The following EHMT1 variants were observed in gnomAD, a reference collection of about 807,000 sequenced individuals.
The protein encoded by EHMT1 is euchromatic histone lysine methyltransferase 1, also known as histone-lysine N-methyltransferase EHMT1.
EHMT1 carries 15 observed loss-of-function variants against 147.2 expected under a neutral mutation model. The ratio of observed to expected loss-of-function variants is 0.10; its 90% CI spans 0.07 to 0.16. The LOEUF (loss-of-function observed/expected upper bound fraction) is 0.16, where lower values mean the gene tolerates loss of function less well. EHMT1 is among the 10% of genes least tolerant of loss of function. The pLI, the probability that EHMT1 is intolerant of heterozygous loss-of-function variation, is 1.00. For synonymous variants in EHMT1, 795 were observed against 709.6 expected (o/e 1.12, Z -1.91); for missense variants, 1,587 against 1,772.4 (o/e 0.90, Z 1.88).
rs376967613 is a variant in EHMT1, at chr9:137,726,742, C to T, written c.643-1607C>T. The stretch of plus-strand genomic sequence containing the variant: ...CCTACCAGCAGTGCACAAGGGTTCC[C>T]ATTTCTCCAGTTCTCACAACACGAT... On this transcript the variant is annotated intron_variant, in intron 3 of 26. Transcript: ENST00000460843. 1.3e-4 allele frequency among the ~76,000 whole-genome samples: 20 copies of T among 152,356 alleles called. No homozygotes were observed. In the South Asian group the frequency reaches 4.1e-3, roughly 32 times the overall value.
intron 16 of EHMT1, among the ~76,000 whole-genome samples, chr9:137,795,723 T>A (rs913383746): frequency 6.6e-6 from 1 of 152,032 alleles, no homozygotes; most frequent in Non-Finnish European, 1.5e-5. Flanking sequence ...TACAGGATAA[T>A]AACTACCCAA....
chr9:137,769,385 G>T (rs1433710028), intron 10 of EHMT1, among the ~76,000 whole-genome samples: 1 of 152,072 alleles, frequency 6.6e-6, no homozygotes, highest in Non-Finnish European at 1.5e-5. Context: ...TGTATCTAAA[G>T]ACTTTCCAAT....
intron 1 of EHMT1, among the ~76,000 whole-genome samples, chr9:137,631,695 A>G (rs923307737): frequency 1.3e-5 from 2 of 152,104 alleles, no homozygotes; most frequent in African/African-American, 2.4e-5. Context: ...GGACAACATA[A>G]TGAGACCCTG....
intron 1 of EHMT1, among the ~76,000 whole-genome samples, chr9:137,707,078 G>A (rs1944330790): frequency 6.6e-6 from 1 of 152,212 alleles, no homozygotes. Context: ...ACTCACCTTA[G>A]CCTCCCAAAC....
intron 25 of EHMT1, among the ~76,000 whole-genome samples, chr9:137,821,808 A>G (rs925842906): frequency 6.6e-6 from 1 of 152,132 alleles, no homozygotes; most frequent in Admixed American, 6.5e-5. Flanking sequence ...AACATGGTAT[A>G]TCTCTTCATT....
chr9:137,738,934 C>T (rs1043860868), intron 4 of EHMT1, among the ~76,000 whole-genome samples: 2 of 152,042 alleles, frequency 1.3e-5, no homozygotes, highest in African/African-American at 4.8e-5. Context: ...AACAGAGCTT[C>T]AGTTTGACAA....
intron 1 of EHMT1, among the ~76,000 whole-genome samples, chr9:137,654,717 G>C (rs1469630030): frequency 6.6e-6 from 1 of 152,202 alleles, no homozygotes; most frequent in Non-Finnish European, 1.5e-5. Context: ...CATGCCTGAA[G>C]GCTTGAGTAA....
At chr9:137,810,490 C>A (rs545562841) in intron 18 of EHMT1, among the ~76,000 whole-genome samples, 1 of 152,330 alleles carries the variant, frequency 6.6e-6, no homozygotes, top group East Asian at 1.9e-4. Context: ...TTCTTGGCTG[C>A]CTGGCAGAGT....
chr9:137,619,040 C>T lies in EHMT1; in HGVS notation c.12C>T (p.Ala4=), dbSNP rs931986426. The part of the protein sequence containing the change: MAA[A]DAEAVPARGE... Reference sequence around the variant, plus strand: ...TGCGGGCCCGGGCCATGGCCGCCGCCGATGCCGAGGTGAGCAGCGGGGCCG... The same window carrying T: ...TGCGGGCCCGGGCCATGGCCGCCGCTGATGCCGAGGTGAGCAGCGGGGCCG... Residue 4 remains alanine (A), a synonymous_variant, in exon 1 of 27, where the codon GCC becomes GCT. Transcript: ENST00000460843. 3.1e-6 allele frequency: 3 copies of T among 963,418 alleles called. No individual in the cohort carries two copies. Among genetic ancestry groups the T allele is most frequent in the East Asian group, 1.2e-4 (1 of 8,694 alleles). 59.7% of individuals were successfully genotyped at this position (963,418 alleles called of 1,614,324 possible).
At chr9:137,821,737 T>G (rs1955438461) in intron 25 of EHMT1, among the ~76,000 whole-genome samples, 1 of 152,222 alleles carries the variant, frequency 6.6e-6, no homozygotes, top group Admixed American at 6.5e-5. Context: ...GGGATTGTAT[T>G]AGACCTGTCA....
intron 1 of EHMT1, among the ~76,000 whole-genome samples, chr9:137,672,407 C>G (rs1382172462): frequency 6.6e-6 from 1 of 152,112 alleles, no homozygotes; most frequent in East Asian, 1.9e-4. Context: ...GTAACACTAA[C>G]TCGGTGGCAT....
chr9:137,817,365 G>C, intron 23 of EHMT1, 74 bp from the exon 24 acceptor site: 3 of 1,551,510 alleles, frequency 1.9e-6, no homozygotes, highest in Non-Finnish European at 2.7e-6. Context: ...CGTGGCACCA[G>C]CTGGCTTTTG....
intron 25 of EHMT1, among the ~76,000 whole-genome samples, chr9:137,820,331 G>A (rs778892882): frequency 2.6e-5 from 4 of 152,222 alleles, no homozygotes; most frequent in East Asian, 1.9e-4. Context: ...CCTCTGCTGC[G>A]AACTGCCCAT....
intron 8 of EHMT1, 55 bp from the exon 9 acceptor site, chr9:137,757,825 G>T: frequency 6.2e-7 from 1 of 1,610,446 alleles, no homozygotes; most frequent in Non-Finnish European, 8.5e-7. Flanking sequence ...GTGCGTCTGG[G>T]TGGGTGCGGC....
chr9:137,670,071 G>A (rs1224041802), intron 1 of EHMT1, among the ~76,000 whole-genome samples: 1 of 152,130 alleles, frequency 6.6e-6, no homozygotes, highest in African/African-American at 2.4e-5. Flanking sequence ...TGTTGGCCAG[G>A]CTGGTGTCTA....
chr9:137,767,605 G>T (rs1950298545), intron 10 of EHMT1, among the ~76,000 whole-genome samples: 1 of 152,134 alleles, frequency 6.6e-6, no homozygotes, highest in Non-Finnish European at 1.5e-5. Flanking sequence ...TTGAGGTCAG[G>T]AGTTCAAAAC....
chr9:137,813,053 G>C lies in EHMT1; in HGVS notation c.2915G>C (p.Gly972Ala). 1 of 1,613,970 alleles carries C rather than the reference G, an allele frequency of 6.2e-7. No homozygotes were observed. The highest frequency in any genetic ancestry group is 8.5e-7 in the Non-Finnish European group (1 of 1,180,032). Residue 972 changes from glycine to alanine, a missense_variant, in exon 20 of 27, where the codon GGA becomes GCA. Around this residue, in one of 7 missense-constraint regions of EHMT1, gnomAD observed 201 missense variants for 350.1 expected, o/e 0.57. Transcript: ENST00000460843. The surrounding 1 kb of genome is among the most constrained non-coding windows in gnomAD (Gnocchi z 4.9). The part of the protein sequence containing the change: ...DSDVTLKNKE[G>A]ETPLQCASLN... ...GATGTCACCTTAAAGAACAAGGAAGGAGAGACGCCCCTGCAGTGTGCGAGC... is the reference window on the plus strand; with the variant it reads ...GATGTCACCTTAAAGAACAAGGAAGCAGAGACGCCCCTGCAGTGTGCGAGC...
intron 1 of EHMT1, among the ~76,000 whole-genome samples, chr9:137,678,626 A>G (rs1346898878): frequency 6.6e-6 from 1 of 152,046 alleles, no homozygotes; most frequent in Non-Finnish European, 1.5e-5. Flanking sequence ...TGAACTCTCT[A>G]TATACCAGGT....
intron 1 of EHMT1, among the ~76,000 whole-genome samples, chr9:137,708,960 G>A (rs1944467937): frequency 6.6e-6 from 1 of 152,208 alleles, no homozygotes; most frequent in Admixed American, 6.5e-5. Flanking sequence ...GTGGAACGCT[G>A]GAGAGCTGTG....
Sources: allele counts gnomAD v4.1 joint callset (sites outside exome capture counted in the v4.1 genomes callset), GRCh38; gene constraint gnomAD v4.1.1; regional missense constraint gnomAD v4.1.1; non-coding constraint Gnocchi (gnomAD v3.1); transcripts MANE v1.5; gene names NCBI Gene and HGNC (gene_info 2026-07-23, HGNC 2026-07-21).